Variants in ATG7 observed in about 807,000 individuals in gnomAD.
ATG7 encodes the protein autophagy related 7.
A neutral mutation model predicts 82.4 loss-of-function variants in ATG7; 70 were observed. That is an observed-to-expected ratio of 0.85 (90% CI 0.70 to 1.04). ATG7 has a LOEUF of 1.04. Among genes scored for constraint, ATG7 ranks in the 50% least tolerant of loss-of-function variants. ATG7 has a pLI of 0.00. For missense variants in ATG7, 792 were observed against 864.3 expected (o/e 0.92, Z 1.05); for synonymous variants, 287 against 313.0 (o/e 0.92, Z 0.88).
At chr3:11,455,479 G>A (rs1216951256) in intron 20 of ATG7, among the ~76,000 whole-genome samples, 2 of 152,162 alleles carry the variant, frequency 1.3e-5, no homozygotes, top group African/African-American at 2.4e-5. Flanking sequence ...GGGCATCTGA[G>A]CCTATTCTGG....
intron 20 of ATG7, among the ~76,000 whole-genome samples, chr3:11,440,960 G>A (rs2083888606): frequency 6.6e-6 from 1 of 151,698 alleles, no homozygotes; most frequent in Non-Finnish European, 1.5e-5. Context: ...CTGAGATATA[G>A]GCATGAGCCA....
At chr3:11,444,340 G>T (rs1195076547) in intron 20 of ATG7, among the ~76,000 whole-genome samples, 2 of 151,988 alleles carry the variant, frequency 1.3e-5, no homozygotes, top group Admixed American at 1.3e-4. Flanking sequence ...TCCTCCTAGG[G>T]GGATAATTTA....
At chr3:11,412,352 G>A (rs905065416) in intron 19 of ATG7, among the ~76,000 whole-genome samples, 2 of 151,474 alleles carry the variant, frequency 1.3e-5, no homozygotes, top group African/African-American at 4.9e-5. Flanking sequence ...TTTAACAGCA[G>A]AAGGGTCAAT....
intron 20 of ATG7, among the ~76,000 whole-genome samples, chr3:11,500,170 A>G (rs2091214430): frequency 6.6e-6 from 1 of 152,204 alleles, no homozygotes; most frequent in African/African-American, 2.4e-5. Context: ...CGCAACATAA[A>G]GAACAATATG....
chr3:11,283,438 A>G (rs1160075687), intron 3 of ATG7, among the ~76,000 whole-genome samples: 1 of 152,164 alleles, frequency 6.6e-6, no homozygotes, highest in African/African-American at 2.4e-5. Flanking sequence ...AGCAAGTTCT[A>G]GAGTAGTTAT....
intron 3 of ATG7, among the ~76,000 whole-genome samples, chr3:11,287,317 A>G (rs948573056): frequency 1.3e-5 from 2 of 152,184 alleles, no homozygotes; most frequent in Non-Finnish European, 2.9e-5. Flanking sequence ...ACCTCTGAGA[A>G]GGCTTTCCTG....
downstream of ATG7, chr3:11,559,308 G>C (rs766500805): frequency 6.6e-7 from 1 of 1,518,678 alleles, no homozygotes; most frequent in Non-Finnish European, 8.8e-7. Flanking sequence ...AGCTGTGACA[G>C]GTGAGGAGGC....
chr3:11,416,731 T>C (rs1316766753), intron 19 of ATG7, among the ~76,000 whole-genome samples: 1 of 152,082 alleles, frequency 6.6e-6, no homozygotes, highest in African/African-American at 2.4e-5. Flanking sequence ...TTTATTCTCT[T>C]TTCTTCTGCT....
intron 20 of ATG7, among the ~76,000 whole-genome samples, chr3:11,551,051 A>C (rs2125060988): frequency 6.6e-6 from 1 of 152,210 alleles, no homozygotes; most frequent in East Asian, 1.9e-4. Context: ...CAGTTTTTTA[A>C]AAAGTCTATC....
At chr3:11,340,773 TG>T (rs1177557719) in intron 12 of ATG7, 38 bp downstream of exon 12, 2 of 1,574,754 alleles carry the variant, frequency 1.3e-6, no homozygotes, top group African/African-American at 2.7e-5. Context: ...TCGGGCTTTT[TG>T]TAACCAAGAC....
intron 19 of ATG7, among the ~76,000 whole-genome samples, chr3:11,407,273 T>A (rs993213688): frequency 6.6e-6 from 1 of 152,224 alleles, no homozygotes; most frequent in Non-Finnish European, 1.5e-5. Context: ...GTGTCTCACA[T>A]CCAGGTCATG....
chr3:11,390,672 ATT>A (rs11331651), intron 19 of ATG7, among the ~76,000 whole-genome samples: 9,147 of 148,284 alleles, frequency 0.062, 292 homozygotes, highest in African/African-American at 0.08. Context: ...GGTGGGTTTG[ATT>A]TTTTTTTTTT....
chr3:11,507,440 G>C (rs905197327), intron 20 of ATG7, among the ~76,000 whole-genome samples: 1 of 152,074 alleles, frequency 6.6e-6, no homozygotes, highest in African/African-American at 2.4e-5. Flanking sequence ...TAATGATCTA[G>C]TGTCAATTCT....
In ATG7 at chr3:11,483,991, T is replaced by C. The variant is rs558762598; in HGVS notation, c.2079+57065T>C. On this transcript the variant is annotated intron_variant, in intron 20 of 20. Coordinates refer to ENST00000693202, the MANE Select transcript of ATG7 (RefSeq NM_001349232.2). ...AATATAATTATAGCACTCTTTGATA[T>C]AGGGTAGAATTTGGTATAATTTGAC... Among the ~76,000 whole-genome samples the C allele has an allele frequency of 6.6e-5, 10 of 152,310 alleles. No homozygotes were observed. In the South Asian group the frequency reaches 1.2e-3, roughly 19 times the overall value.
chr3:11,568,414 C>T, the ATG7 span, among the ~76,000 whole-genome samples: 1 of 152,194 alleles, frequency 6.6e-6, no homozygotes. This position sits in a 1 kb window ranked among gnomAD's most constrained non-coding sequence, Gnocchi z 5.9. Context: ...ATCTATGCTC[C>T]CACAGCCCCA....
chr3:11,486,661 A>G (rs1459478468), intron 20 of ATG7, among the ~76,000 whole-genome samples: 1 of 151,990 alleles, frequency 6.6e-6, no homozygotes, highest in Non-Finnish European at 1.5e-5. Flanking sequence ...TCAGTATGAT[A>G]TTGGCTGTGG....
At chr3:11,442,466 T>G (rs1000840979) in intron 20 of ATG7, among the ~76,000 whole-genome samples, 1 of 152,124 alleles carries the variant, frequency 6.6e-6, no homozygotes, top group African/African-American at 2.4e-5. Context: ...TTTCGGGATA[T>G]ATATCATAGG....
intron 19 of ATG7, among the ~76,000 whole-genome samples, chr3:11,422,740 C>CTTTTTTTTTTTTTTTTTTTTTTTTTTTTT (rs557755646): frequency 4.0e-5 from 2 of 49,546 alleles, no homozygotes; most frequent in African/African-American, 1.0e-4. Flanking sequence ...TCATTTCTAG[C>CTTTTTTTTTTTTTTTTTTTTTTTTTTTTT]TTTTTTTTTT....
intron 6 of ATG7, among the ~76,000 whole-genome samples, chr3:11,307,926 A>G (rs1195379121): frequency 6.6e-6 from 1 of 152,118 alleles, no homozygotes; most frequent in Non-Finnish European, 1.5e-5. Context: ...CTGTGGCTTG[A>G]CTGCTCCTGG....
Sources: gnomAD v4.1 joint callset for allele counts (sites outside exome capture counted in the v4.1 genomes callset) on GRCh38, gnomAD v4.1.1 for gene constraint, Gnocchi (gnomAD v3.1) non-coding constraint, MANE v1.5 for transcripts, NCBI Gene and HGNC (gene_info 2026-07-23, HGNC 2026-07-21) for gene names.